The following RBMS3 variants were observed in gnomAD, a reference collection of about 807,000 sequenced individuals.
RBMS3 encodes the protein RNA-binding motif, single-stranded-interacting protein 3.
RBMS3 carries 27 observed loss-of-function variants against 66.8 expected under a neutral mutation model. The observed-to-expected ratio is 0.40, with a 90% CI of 0.30 to 0.56. RBMS3 has a LOEUF of 0.56. RBMS3 is among the 20% of genes least tolerant of loss of function. RBMS3 has a pLI of 0.40. For synonymous variants in RBMS3, 188 were observed against 183.0 expected, an observed-to-expected ratio of 1.03 and a Z score of -0.22; for missense variants, 513 against 549.5, an observed-to-expected ratio of 0.93 and a Z score of 0.66.
intron 6 of RBMS3, among the ~76,000 whole-genome samples, chr3:29,803,414 G>A (rs2057449186): frequency 6.6e-6 from 1 of 152,020 alleles, no homozygotes; most frequent in Non-Finnish European, 1.5e-5. Flanking sequence ...AGAATACCCA[G>A]CTTCTGCCCA....
intron 4 of RBMS3, among the ~76,000 whole-genome samples, chr3:29,609,584 A>G (rs1032798253): frequency 6.6e-6 from 1 of 152,002 alleles, no homozygotes; most frequent in African/African-American, 2.4e-5. Flanking sequence ...AGTGCCTATC[A>G]GTGGAGAATC....
chr3:29,767,499 G>T (rs779705390), intron 6 of RBMS3: 1 of 151,928 alleles, frequency 6.6e-6, no homozygotes, highest in Admixed American at 6.6e-5. Context: ...AACAACTCTT[G>T]TGACTGACAG....
chr3:29,610,180 C>G (rs538673526), intron 4 of RBMS3, among the ~76,000 whole-genome samples: 32 of 151,856 alleles, frequency 2.1e-4, no homozygotes, highest in Non-Finnish European at 3.4e-4. Context: ...AAAGATGATA[C>G]AAGATAAATG....
chr3:29,421,469 T>C (rs2040733272), intron 1 of RBMS3, among the ~76,000 whole-genome samples: 1 of 152,222 alleles, frequency 6.6e-6, no homozygotes, highest in African/African-American at 2.4e-5. Flanking sequence ...AGTTTATTTC[T>C]TGTATATAAA....
intron 1 of RBMS3, among the ~76,000 whole-genome samples, chr3:29,379,562 C>G (rs2038660999): frequency 6.6e-6 from 1 of 152,118 alleles, no homozygotes; most frequent in African/African-American, 2.4e-5. Context: ...GGAAACTCCT[C>G]TTTTTAAAAC....
At chr3:29,990,460 CAAAAAAAAAA>C (rs10596526) in intron 13 of RBMS3, among the ~76,000 whole-genome samples, 9 of 106,496 alleles carry the variant, frequency 8.5e-5, no homozygotes, top group Non-Finnish European at 9.7e-5. Context: ...CTGTGAGAAA[CAAAAAAAAAA>C]AAAAAAAAAA....
chr3:29,870,820 G>A (rs1307204717), intron 7 of RBMS3, among the ~76,000 whole-genome samples: 1 of 152,044 alleles, frequency 6.6e-6, no homozygotes, highest in African/African-American at 2.4e-5. Flanking sequence ...AAATTTATCT[G>A]TGACCAATAA....
chr3:29,554,029 T>C (rs2046264352), intron 3 of RBMS3, among the ~76,000 whole-genome samples: 2 of 152,174 alleles, frequency 1.3e-5, no homozygotes, highest in Non-Finnish European at 2.9e-5. Flanking sequence ...GATAGCATTA[T>C]AAGAAAAATA....
chr3:29,838,702 T>G (rs1336066222), intron 6 of RBMS3, among the ~76,000 whole-genome samples: 1 of 152,196 alleles, frequency 6.6e-6, no homozygotes. Flanking sequence ...TACTTCAAAC[T>G]GGCAATTTAT....
intron 4 of RBMS3, among the ~76,000 whole-genome samples, chr3:29,641,462 G>A (rs9844660): frequency 0.078 from 11,897 of 151,932 alleles, 822 homozygotes; most frequent in East Asian, 0.35. Flanking sequence ...GAATCAAATG[G>A]TATATCTTAA....
chr3:29,539,145 AG>A lies in RBMS3; in HGVS notation c.308-47967del, dbSNP rs34162890. On this transcript the variant is annotated intron_variant, in intron 3 of 14. Transcript: ENST00000383767. Reference sequence around the variant, plus strand: ...ACTATTACAGCTGTTTGGGTCTTACAGGAAATGAGTTATTATGGAGATATAG... The same window carrying A: ...ACTATTACAGCTGTTTGGGTCTTACAGAAATGAGTTATTATGGAGATATAG... Among the ~76,000 whole-genome samples the A allele has an allele frequency of 4.8e-3, 728 of 152,304 alleles. 8 individuals are homozygous for A. Among genetic ancestry groups the A allele is most frequent in the East Asian group, 0.042 (220 of 5,182 alleles).
At chr3:29,998,434 C>G (rs569318212) in intron 14 of RBMS3, among the ~76,000 whole-genome samples, 12 of 152,152 alleles carry the variant, frequency 7.9e-5, no homozygotes, top group Admixed American at 7.2e-4. Flanking sequence ...TCATATGGAA[C>G]CAAAAAAGAG....
chr3:29,701,731 G>A (rs1576560791), intron 4 of RBMS3, among the ~76,000 whole-genome samples: 4 of 152,176 alleles, frequency 2.6e-5, no homozygotes, highest in Admixed American at 2.6e-4. Flanking sequence ...AGCTGCGGAG[G>A]GTGCACCTGG....
At chr3:29,703,202 A>G (rs2052711810) in intron 4 of RBMS3, among the ~76,000 whole-genome samples, 1 of 152,222 alleles carries the variant, frequency 6.6e-6, no homozygotes, top group South Asian at 2.1e-4. Context: ...GGAGTTGTAA[A>G]AGTTTGTAGT....
intron 6 of RBMS3, among the ~76,000 whole-genome samples, chr3:29,808,360 A>G (rs921502709): frequency 1.3e-5 from 2 of 151,844 alleles, no homozygotes; most frequent in African/African-American, 4.8e-5. Flanking sequence ...CTATTAATGT[A>G]TCTAATGTAG....
At chr3:29,899,342 A>C (rs1331575523) in intron 9 of RBMS3, among the ~76,000 whole-genome samples, 1 of 151,574 alleles carries the variant, frequency 6.6e-6, no homozygotes, top group Non-Finnish European at 1.5e-5. Context: ...TTAGCAGTCA[A>C]CTCTTGCTTC....
At chr3:29,612,718 A>G (rs1490345363) in intron 4 of RBMS3, among the ~76,000 whole-genome samples, 3 of 152,102 alleles carry the variant, frequency 2.0e-5, no homozygotes, top group Non-Finnish European at 2.9e-5. Context: ...AGAGGCCACT[A>G]TGGAGTTTAT....
In RBMS3 at chr3:29,748,106, T is replaced by C. The variant is rs143139768; in HGVS notation, c.557+8229T>C. ...AGCAAGAGGTAAGAGAATGATGTTC[T>C]GTCTTCAGAGGGAACATTGAAACTA... On this transcript the variant is annotated intron_variant, in intron 5 of 14. Transcript: ENST00000383767. Among the ~76,000 whole-genome samples, 177 of 152,316 alleles carry C rather than the reference T, an allele frequency of 1.2e-3. No homozygotes were observed. The Middle Eastern group carries it at 0.031, about 26-fold the overall frequency.
chr3:29,397,432 G>A (rs756347636), intron 1 of RBMS3, among the ~76,000 whole-genome samples: 2 of 152,002 alleles, frequency 1.3e-5, no homozygotes, highest in Admixed American at 6.6e-5. Context: ...ATGATGGTCC[G>A]ATCCCCCAAA....
Sources: gnomAD v4.1 joint callset for allele counts (sites outside exome capture counted in the v4.1 genomes callset) on GRCh38, gnomAD v4.1.1 for gene constraint, MANE v1.5 for transcripts, NCBI Gene and HGNC (gene_info 2026-07-23, HGNC 2026-07-21) for gene names.